GABRB1: variants seen among roughly 807,000 people sequenced by gnomAD.
The protein encoded by GABRB1 is gamma-aminobutyric acid receptor subunit beta-1.
In GABRB1, 17 loss-of-function variants were observed where a neutral mutation model predicts 51.6. That is an observed-to-expected ratio of 0.33 (90% CI 0.23 to 0.49). The LOEUF is 0.49. Among genes scored for constraint, GABRB1 ranks in the 20% least tolerant of loss-of-function variants. The pLI, the probability that GABRB1 is intolerant of heterozygous loss-of-function variation, is 0.99. For missense variants in GABRB1, 410 were observed against 600.6 expected (o/e 0.68, Z 3.32); for synonymous variants, 247 against 218.9 (o/e 1.13, Z -1.14).
At chr4:47,073,305 C>A (rs1310136374) in intron 3 of GABRB1, among the ~76,000 whole-genome samples, 1 of 152,178 alleles carries the variant, frequency 6.6e-6, no homozygotes, top group African/African-American at 2.4e-5. Context: ...TTGTAACAGG[C>A]ATATTAAGAC....
intron 4 of GABRB1, among the ~76,000 whole-genome samples, chr4:47,245,827 CTTT>C (rs201059107): frequency 7.7e-6 from 1 of 130,446 alleles, no homozygotes; most frequent in African/African-American, 2.8e-5. Flanking sequence ...TTCTTTCTTT[CTTT>C]TTTTTTTTTT....
At chr4:47,247,062 A>G (rs948825417) in intron 4 of GABRB1, among the ~76,000 whole-genome samples, 1 of 151,826 alleles carries the variant, frequency 6.6e-6, no homozygotes, top group African/African-American at 2.4e-5. Flanking sequence ...TTTTTATTGC[A>G]TTTACTTTTG....
chr4:47,068,916 T>C (rs1727198489), intron 3 of GABRB1, among the ~76,000 whole-genome samples: 1 of 152,170 alleles, frequency 6.6e-6, no homozygotes, highest in Non-Finnish European at 1.5e-5. Flanking sequence ...TAAAATGAGG[T>C]ATGGCTGTAA....
chr4:47,058,340 A>G (rs1253172989), intron 3 of GABRB1, among the ~76,000 whole-genome samples: 3 of 152,248 alleles, frequency 2.0e-5, no homozygotes, highest in Admixed American at 2.0e-4. Flanking sequence ...ATAAATGGAA[A>G]TCATGCCTGA....
At chr4:47,285,296 T>G (rs1160021561) in intron 4 of GABRB1, among the ~76,000 whole-genome samples, 3 of 152,212 alleles carry the variant, frequency 2.0e-5, no homozygotes, top group African/African-American at 7.2e-5. Flanking sequence ...CTCTAGATCA[T>G]GCTCTCATGA....
chr4:47,150,629 G>A (rs1243197095), intron 3 of GABRB1, among the ~76,000 whole-genome samples: 1 of 118,362 alleles, frequency 8.4e-6, no homozygotes, highest in African/African-American at 3.0e-5. Context: ...TTCAATACAT[G>A]ACAAAAGCCA....
intron 1 of GABRB1, among the ~76,000 whole-genome samples, chr4:46,994,562 G>C (rs1404212715): frequency 2.0e-5 from 3 of 151,430 alleles, no homozygotes; most frequent in African/African-American, 7.3e-5. Context: ...TGGAGAGAAA[G>C]GATACATAAA....
At chr4:47,346,993 G>C (rs995020583) in intron 5 of GABRB1, among the ~76,000 whole-genome samples, 1 of 152,158 alleles carries the variant, frequency 6.6e-6, no homozygotes, top group South Asian at 2.1e-4. Context: ...CAAAAATAAC[G>C]TTTATGGCAG....
intron 4 of GABRB1, among the ~76,000 whole-genome samples, chr4:47,214,305 A>T (rs1455451883): frequency 1.3e-5 from 2 of 152,168 alleles, no homozygotes; most frequent in Non-Finnish European, 2.9e-5. Flanking sequence ...GTGCTCAATC[A>T]TTCCTCAGCC....
Position 47,032,419 on chromosome 4 carries a change from C to A in GABRB1, c.175C>A (p.Pro59Thr). ...AATGTGGCCCACCTCCCCGGCAGGG[C>A]CCCCCGTCGACGTTGGGATGCGGAT... ...DIRLRPDFGG[P>T]PVDVGMRIDV... Residue 59 changes from proline to threonine, a missense_variant and splice_region_variant, in exon 3 of 9, where the codon CCC becomes ACC. Coordinates refer to ENST00000295454, the MANE Select transcript of GABRB1 (RefSeq NM_000812.4). 6.3e-7 allele frequency: 1 copy of A among 1,584,086 alleles called. No homozygotes were observed. The highest frequency in any genetic ancestry group is 8.6e-7 in the Non-Finnish European group (1 of 1,161,996).
chr4:47,401,313 A>G (rs1249410324), intron 5 of GABRB1, among the ~76,000 whole-genome samples: 1 of 152,222 alleles, frequency 6.6e-6, no homozygotes, highest in Non-Finnish European at 1.5e-5. Flanking sequence ...GTAAATTGGC[A>G]CAATATCTAT....
chr4:47,261,029 A>G (rs1372851102), intron 4 of GABRB1, among the ~76,000 whole-genome samples: 1 of 152,218 alleles, frequency 6.6e-6, no homozygotes, highest in Non-Finnish European at 1.5e-5. Flanking sequence ...TCAAGAAATT[A>G]GGTATTGATG....
chr4:47,265,529 T>C (rs1172676603), intron 4 of GABRB1, among the ~76,000 whole-genome samples: 3 of 152,174 alleles, frequency 2.0e-5, no homozygotes, highest in African/African-American at 7.2e-5. Context: ...CTGTTTTCCA[T>C]AGAGGTTGTA....
chr4:47,123,357 ATATAT>A (rs941611133), intron 3 of GABRB1, among the ~76,000 whole-genome samples: 3 of 131,428 alleles, frequency 2.3e-5, no homozygotes, highest in Non-Finnish European at 1.6e-5. Context: ...ATATTAGATA[ATATAT>A]TATACTTTAG....
chr4:47,422,288 C>G (rs543893970), intron 8 of GABRB1, among the ~76,000 whole-genome samples: 1 of 152,280 alleles, frequency 6.6e-6, no homozygotes, highest in South Asian at 2.1e-4. Context: ...TTCCTGTCTA[C>G]TGTGTCTCTT....
At chr4:47,132,329 A>G in intron 3 of GABRB1, among the ~76,000 whole-genome samples, 1 of 152,088 alleles carries the variant, frequency 6.6e-6, no homozygotes, top group East Asian at 1.9e-4. Context: ...AAAACTCTCC[A>G]ATGCCCTTGG....
At chr4:47,120,712 G>A (rs951960895) in intron 3 of GABRB1, among the ~76,000 whole-genome samples, 2 of 152,088 alleles carry the variant, frequency 1.3e-5, no homozygotes, top group African/African-American at 4.8e-5. Flanking sequence ...CCAGGGCTAG[G>A]TCCTTCCTCT....
chr4:47,253,568 A>G (rs1177470253), intron 4 of GABRB1, among the ~76,000 whole-genome samples: 3 of 152,074 alleles, frequency 2.0e-5, no homozygotes, highest in African/African-American at 7.2e-5. Flanking sequence ...TTCCTTTCCA[A>G]TGGTCTAATA....
intron 4 of GABRB1, among the ~76,000 whole-genome samples, chr4:47,292,201 T>C (rs1723771234): frequency 1.3e-5 from 2 of 152,154 alleles, no homozygotes; most frequent in Admixed American, 6.5e-5. Flanking sequence ...GGAGTTTTCC[T>C]GCACAAGCTA....
Sources: gnomAD v4.1 joint callset for allele counts (sites outside exome capture counted in the v4.1 genomes callset) on GRCh38, gnomAD v4.1.1 for gene constraint, MANE v1.5 for transcripts, NCBI Gene and HGNC (gene_info 2026-07-23, HGNC 2026-07-21) for gene names.